The following SOX6 variants were observed in gnomAD, a reference collection of about 807,000 sequenced individuals.
SOX6 encodes SRY-box transcription factor 6, also known as transcription factor SOX-6.
A neutral mutation model predicts 97.8 loss-of-function variants in SOX6; 11 were observed. The observed-to-expected ratio is 0.11, with a 90% CI of 0.07 to 0.19. The LOEUF is 0.19. Among genes scored for constraint, SOX6 ranks in the 10% least tolerant of loss-of-function variants. The pLI is 1.00. For synonymous variants in SOX6, 360 were observed against 371.4 expected (o/e 0.97, Z 0.35); for missense variants, 810 against 1,039.5 (o/e 0.78, Z 3.04).
At chr11:16,381,199 G>A (rs1290122674) in intron 1 of SOX6, among the ~76,000 whole-genome samples, 2 of 151,792 alleles carry the variant, frequency 1.3e-5, no homozygotes, top group African/African-American at 4.8e-5. Context: ...AATGAGAAGA[G>A]AGAAAAGAGC....
At position 16,046,718 on chromosome 11, in the gene SOX6, C is replaced by T; in HGVS notation, c.1436-17G>A. 6.2e-7 allele frequency: 1 copy of T among 1,611,344 alleles called. No homozygotes were observed. The highest frequency in any genetic ancestry group is 1.7e-4 in the Middle Eastern group (1 of 6,022). On this transcript the variant is annotated splice_polypyrimidine_tract_variant and intron_variant, in intron 11 of 15. Coordinates refer to ENST00000683767, the MANE Select transcript of SOX6 (RefSeq NM_001367873.1). ...ATAGGATATCTGCATACACAGGATG[C>T]ATTATTAGATGCTTGTGAGGTCAGA...
intron 4 of SOX6, among the ~76,000 whole-genome samples, chr11:16,234,048 A>C (rs1852941743): frequency 6.6e-6 from 1 of 151,672 alleles, no homozygotes. Flanking sequence ...AAAAGAAAAA[A>C]AGAAAACTTC....
chr11:16,694,306 T>C (rs1279444394), intron 3 of SOX6, among the ~76,000 whole-genome samples: 1 of 152,142 alleles, frequency 6.6e-6, no homozygotes, highest in East Asian at 1.9e-4. Context: ...GACAGGAGGA[T>C]GGTTTGAGGC....
chr11:16,614,148 T>C (rs1848438830), intron 3 of SOX6, among the ~76,000 whole-genome samples: 1 of 152,130 alleles, frequency 6.6e-6, no homozygotes, highest in Non-Finnish European at 1.5e-5. Flanking sequence ...CTCCAAACAC[T>C]AACTCCCAGG....
chr11:16,215,289 G>A (rs1791300461), intron 4 of SOX6, among the ~76,000 whole-genome samples: 1 of 152,162 alleles, frequency 6.6e-6, no homozygotes, highest in African/African-American at 2.4e-5. Context: ...ATTTCAGGGT[G>A]AGATAAAGGC....
intron 7 of SOX6, among the ~76,000 whole-genome samples, chr11:16,104,918 A>C (rs1048024585): frequency 6.6e-6 from 1 of 152,050 alleles, no homozygotes; most frequent in Non-Finnish European, 1.5e-5. Context: ...CAGTAAGGAA[A>C]AGCTCTGGCC....
chr11:16,725,331 G>A (rs962515686), intron 2 of SOX6, among the ~76,000 whole-genome samples: 5 of 152,102 alleles, frequency 3.3e-5, no homozygotes, highest in African/African-American at 1.2e-4. Context: ...AGACACCGGT[G>A]TGGACAACAT....
intron 4 of SOX6, among the ~76,000 whole-genome samples, chr11:16,191,862 CTT>C (rs796766643): frequency 7.4e-6 from 1 of 135,476 alleles, no homozygotes; most frequent in African/African-American, 2.9e-5. Flanking sequence ...TCTTTTTTTT[CTT>C]TTTTTTTCTT....
At chr11:16,250,533 G>T (rs1229598631) in intron 3 of SOX6, among the ~76,000 whole-genome samples, 2 of 151,758 alleles carry the variant, frequency 1.3e-5, no homozygotes, top group Admixed American at 6.6e-5. Flanking sequence ...AGATAAGTGG[G>T]GTTATATCAT....
At chr11:16,501,087 GCATGGTACTGGTACCAAAAC>G (rs1413204371) in intron 4 of SOX6, among the ~76,000 whole-genome samples, 5 of 152,138 alleles carry the variant, frequency 3.3e-5, no homozygotes, top group Admixed American at 3.3e-4. Flanking sequence ...AACCAAAACA[GCATGGTACTGGTACCAAAAC>G]AGATATATAG....
intron 1 of SOX6, among the ~76,000 whole-genome samples, chr11:16,384,051 T>C (rs1243388739): frequency 2.0e-5 from 3 of 151,940 alleles, no homozygotes; most frequent in East Asian, 1.9e-4. Flanking sequence ...AGATGAGCCA[T>C]TGAGAAACGT....
intron 3 of SOX6, among the ~76,000 whole-genome samples, chr11:16,688,061 C>A (rs1216134726): frequency 6.6e-6 from 1 of 152,076 alleles, no homozygotes; most frequent in Non-Finnish European, 1.5e-5. Flanking sequence ...CAGCCTCAAC[C>A]TCCCAAACTC....
Position 16,049,840 on chromosome 11 carries a change from G to A in SOX6, c.1350C>T (p.Ala450=). The A allele has an allele frequency of 6.2e-7, 1 of 1,613,734 alleles. No individual in the cohort carries two copies. Among genetic ancestry groups the A allele is most frequent in the Non-Finnish European group, 8.5e-7 (1 of 1,179,784 alleles). ...PTSPTQNLFP[A]SKTSPVNLPN... is the part of the protein sequence containing the mutation. ...GCAGATTGACAGGGCTGGTTTTGCT[G>A]GCTGGGAAGAGGTTCTGGGTGGGAG... Residue 450 remains alanine, a synonymous_variant, in exon 11 of 16, where the codon GCC becomes GCT. Transcript: ENST00000683767.
intron 14 of SOX6, among the ~76,000 whole-genome samples, chr11:15,986,643 T>C (rs1331399091): frequency 6.6e-6 from 1 of 152,218 alleles, no homozygotes; most frequent in Non-Finnish European, 1.5e-5. Flanking sequence ...TTAAGACTGA[T>C]GCTACTATAG....
intron 4 of SOX6, among the ~76,000 whole-genome samples, chr11:16,230,336 T>G (rs1425016579): frequency 6.6e-6 from 1 of 150,686 alleles, no homozygotes; most frequent in African/African-American, 2.4e-5. Flanking sequence ...GGGAGTTGGG[T>G]AGCAAAGAGA....
chr11:16,490,720 A>G (rs1037279747), intron 4 of SOX6, among the ~76,000 whole-genome samples: 2 of 152,138 alleles, frequency 1.3e-5, no homozygotes, highest in Admixed American at 6.5e-5. Flanking sequence ...TAAGCTTGCC[A>G]GAAGTATAAG....
chr11:16,386,891 T>C (rs1325798349), intron 1 of SOX6, among the ~76,000 whole-genome samples: 1 of 152,176 alleles, frequency 6.6e-6, no homozygotes, highest in African/African-American at 2.4e-5. Flanking sequence ...ACTGTATTCC[T>C]GGCCCATATA....
chr11:16,158,513 G>A (rs752657418), intron 6 of SOX6, among the ~76,000 whole-genome samples: 6 of 151,906 alleles, frequency 3.9e-5, no homozygotes, highest in Admixed American at 6.6e-5. Context: ...TATGATAAAT[G>A]TCCTGTTTCT....
chr11:16,725,514 A>C (rs547627241), intron 2 of SOX6, among the ~76,000 whole-genome samples: 1 of 152,174 alleles, frequency 6.6e-6, no homozygotes, highest in East Asian at 1.9e-4. Flanking sequence ...AAAAAGAAAA[A>C]AAATGCTAAG....
Sources: gnomAD v4.1 joint callset for allele counts (sites outside exome capture counted in the v4.1 genomes callset) on GRCh38, gnomAD v4.1.1 for gene constraint, MANE v1.5 for transcripts, NCBI Gene and HGNC (gene_info 2026-07-23, HGNC 2026-07-21) for gene names.